Variants in KCNMB2 observed in about 807,000 individuals in gnomAD.
KCNMB2 encodes the protein calcium-activated potassium channel subunit beta-2.
A neutral mutation model predicts 24.5 loss-of-function variants in KCNMB2; 9 were observed. The observed-to-expected ratio is 0.37, with a 90% CI of 0.22 to 0.64. The LOEUF is 0.64. Among genes scored for constraint, KCNMB2 ranks in the 30% least tolerant of loss-of-function variants. The pLI is 0.63. For synonymous variants in KCNMB2, 109 were observed against 104.4 expected (o/e 1.04, Z -0.27); for missense variants, 226 against 284.3 (o/e 0.79, Z 1.47).
intron 1 of KCNMB2, among the ~76,000 whole-genome samples, chr3:178,685,164 C>T (rs1187334515): frequency 6.6e-6 from 1 of 152,202 alleles, no homozygotes; most frequent in Non-Finnish European, 1.5e-5. Flanking sequence ...AAAAACTGAT[C>T]TGGTGACAAG....
chr3:178,751,590 A>T (rs1723852121), intron 1 of KCNMB2, among the ~76,000 whole-genome samples: 1 of 150,314 alleles, frequency 6.7e-6, no homozygotes, highest in African/African-American at 2.4e-5. Flanking sequence ...AAAAAAAAAA[A>T]AAAAAAAAAA....
chr3:178,809,650 A>G (rs974722724), intron 2 of KCNMB2, among the ~76,000 whole-genome samples: 2 of 152,248 alleles, frequency 1.3e-5, no homozygotes, highest in Admixed American at 1.3e-4. Context: ...GGGGAAAAGT[A>G]TGTTAAAATA....
intron 1 of KCNMB2, among the ~76,000 whole-genome samples, chr3:178,568,511 C>T (rs542384329): frequency 4.6e-4 from 70 of 152,126 alleles, no homozygotes; most frequent in South Asian, 6.2e-4. Flanking sequence ...GAAGGAATTC[C>T]GCTTGGAAAG....
chr3:178,610,379 C>T (rs953917571), intron 1 of KCNMB2, among the ~76,000 whole-genome samples: 1 of 152,150 alleles, frequency 6.6e-6, no homozygotes, highest in South Asian at 2.1e-4. Flanking sequence ...TCTTTCAATA[C>T]ATGAACATGA....
chr3:178,597,061 A>G (rs1335091022), intron 1 of KCNMB2, among the ~76,000 whole-genome samples: 1 of 152,146 alleles, frequency 6.6e-6, no homozygotes, highest in South Asian at 2.1e-4. Context: ...GATGCCATGC[A>G]TGCTGAGGAG....
At chr3:178,549,618 T>A (rs1263238029) in intron 1 of KCNMB2, among the ~76,000 whole-genome samples, 1 of 151,916 alleles carries the variant, frequency 6.6e-6, no homozygotes, top group Non-Finnish European at 1.5e-5. Context: ...TGAACCACCA[T>A]GTCAGGCTGC....
chr3:178,778,086 C>T (rs955853458), intron 1 of KCNMB2, among the ~76,000 whole-genome samples: 4 of 152,178 alleles, frequency 2.6e-5, no homozygotes, highest in African/African-American at 7.2e-5. Flanking sequence ...TTTACCTCTA[C>T]AATTTGCTTG....
intron 1 of KCNMB2, among the ~76,000 whole-genome samples, chr3:178,722,033 C>G (rs1206542296): frequency 1.3e-5 from 2 of 152,212 alleles, no homozygotes; most frequent in East Asian, 3.9e-4. Context: ...TTAACAGAGT[C>G]TTTTGCAGAG....
chr3:178,614,116 G>A (rs1339825329), intron 1 of KCNMB2, among the ~76,000 whole-genome samples: 5 of 147,726 alleles, frequency 3.4e-5, no homozygotes, highest in East Asian at 2.0e-4. Context: ...TTAGTATGCC[G>A]ATAGCATTTT....
chr3:178,739,810 T>C (rs1723436521), intron 1 of KCNMB2, among the ~76,000 whole-genome samples: 1 of 151,572 alleles, frequency 6.6e-6, no homozygotes, highest in Non-Finnish European at 1.5e-5. Context: ...AGGGAATATA[T>C]AAAACTTCTC....
intron 1 of KCNMB2, among the ~76,000 whole-genome samples, chr3:178,716,577 G>A (rs1251273634): frequency 6.6e-6 from 1 of 151,884 alleles, no homozygotes; most frequent in Non-Finnish European, 1.5e-5. Context: ...CGGAGTAGCT[G>A]GGATTACACG....
At chr3:178,781,401 GGCCAACAT>G (rs1364364917) in intron 1 of KCNMB2, among the ~76,000 whole-genome samples, 1 of 151,616 alleles carries the variant, frequency 6.6e-6, no homozygotes, top group African/African-American at 2.4e-5. Flanking sequence ...AGACCAGCCT[GGCCAACAT>G]GGTGAAACCC....
In KCNMB2 at chr3:178,545,344, G is replaced by T. The variant is rs369079030; in HGVS notation, c.-68+8633G>T. Among the ~76,000 whole-genome samples, 10 of 152,294 alleles carry T rather than the reference G, an allele frequency of 6.6e-5. No individual in the cohort carries two copies. The East Asian group carries it at 1.5e-3, about 23-fold the overall frequency. On this transcript the variant is annotated intron_variant, in intron 1 of 4. Coordinates refer to ENST00000452583, the MANE Select transcript of KCNMB2 (RefSeq NM_181361.3). Reference sequence around the variant, plus strand: ...TAGTTCAGGACTTCATAAATAATGAGTTTGGTTTTGTAAGACGTTTGAAGT... The same window carrying T: ...TAGTTCAGGACTTCATAAATAATGATTTTGGTTTTGTAAGACGTTTGAAGT...
At chr3:178,695,014 C>A (rs966538469) in intron 1 of KCNMB2, among the ~76,000 whole-genome samples, 8 of 152,264 alleles carry the variant, frequency 5.3e-5, no homozygotes, top group African/African-American at 1.7e-4. Flanking sequence ...TCCACCCCTG[C>A]AGCAGGTTTC....
chr3:178,843,462 G>C lies in KCNMB2; in HGVS notation c.*525G>C. On this transcript the variant is annotated 3_prime_UTR_variant, in exon 5 of 5. Transcript: ENST00000452583. ...TTTTTTACCATATCACTGTAAAGAA[G>C]AGGGGAAACCCAGCCAGCTACTTTT... 1 of 175,974 alleles carries C rather than the reference G, an allele frequency of 5.7e-6. No homozygotes were observed. Among genetic ancestry groups the C allele is most frequent in the South Asian group, 1.0e-4 (1 of 9,846 alleles). 10.9% of individuals were successfully genotyped at this position (175,974 alleles called of 1,614,324 possible). A position where few individuals can be genotyped will look rare whatever the true frequency, so the allele number is the denominator to read the frequency against.
intron 1 of KCNMB2, among the ~76,000 whole-genome samples, chr3:178,662,516 C>T (rs1720568576): frequency 6.6e-6 from 1 of 152,014 alleles, no homozygotes; most frequent in East Asian, 1.9e-4. Flanking sequence ...GGTCTTATAC[C>T]TTTTCTGTGG....
chr3:178,635,088 C>A (rs1719469302), intron 1 of KCNMB2, among the ~76,000 whole-genome samples: 1 of 152,124 alleles, frequency 6.6e-6, no homozygotes, highest in African/African-American at 2.4e-5. Context: ...CAGGGGGCAG[C>A]ACCGCAGACA....
rs1048941381 is a variant in KCNMB2 at position 178,606,486 on chromosome 3, T to G, written c.-68+69775T>G. 1.3e-4 allele frequency among the ~76,000 whole-genome samples: 20 copies of G among 151,918 alleles called. No individual in the cohort carries two copies. In the East Asian group the frequency reaches 3.1e-3, roughly 23 times the overall value. On this transcript the variant is annotated intron_variant, in intron 1 of 4. Transcript: ENST00000452583. Reference sequence around the variant, plus strand: ...TCTTTCCTATTTCTTTTTTTTTTTTTTTTGTGGAAATTTCTTTCCTTTGTC... The same window carrying G: ...TCTTTCCTATTTCTTTTTTTTTTTTGTTTGTGGAAATTTCTTTCCTTTGTC...
chr3:178,747,737 C>A (rs546465862), intron 1 of KCNMB2, among the ~76,000 whole-genome samples: 1 of 152,272 alleles, frequency 6.6e-6, no homozygotes, highest in East Asian at 1.9e-4. Flanking sequence ...TTGAAATGAT[C>A]CTAACTTCGG....
Sources: gnomAD v4.1 joint callset for allele counts (sites outside exome capture counted in the v4.1 genomes callset) on GRCh38, gnomAD v4.1.1 for gene constraint, MANE v1.5 for transcripts, NCBI Gene and HGNC (gene_info 2026-07-23, HGNC 2026-07-21) for gene names.